The following DYM variants were observed in gnomAD, a reference collection of about 807,000 sequenced individuals.
DYM encodes dyggve-Melchior-Clausen syndrome protein.
In DYM, 78 loss-of-function variants were observed where a neutral mutation model predicts 93.1. The observed-to-expected ratio is 0.84, with a 90% CI of 0.70 to 1.01. DYM has a LOEUF of 1.01. Ranked by LOEUF, DYM falls within the 50% of genes least tolerant of loss-of-function variation. The pLI, the probability that DYM is intolerant of heterozygous loss-of-function variation, is 0.00. For missense variants in DYM, 789 were observed against 845.0 expected (o/e 0.93, Z 0.82); for synonymous variants, 321 against 319.7 (o/e 1.00, Z -0.04).
intron 15 of DYM, among the ~76,000 whole-genome samples, chr18:49,147,263 T>C (rs2085266762): frequency 6.6e-6 from 1 of 151,912 alleles, no homozygotes; most frequent in Non-Finnish European, 1.5e-5. Context: ...ACCTAGGCAA[T>C]ACCATTCAGG....
intron 15 of DYM, among the ~76,000 whole-genome samples, chr18:49,127,232 T>C (rs1322822151): frequency 6.6e-6 from 1 of 152,190 alleles, no homozygotes; most frequent in Non-Finnish European, 1.5e-5. Flanking sequence ...ATTTCAAACG[T>C]AAAAACAAGA....
chr18:49,179,670 A>G (rs987795134), intron 14 of DYM, among the ~76,000 whole-genome samples: 1 of 152,140 alleles, frequency 6.6e-6, no homozygotes, highest in Non-Finnish European at 1.5e-5. Context: ...TGTCAACATA[A>G]GGTAGATATT....
At chr18:49,079,732 G>C (rs1269182982) in intron 17 of DYM, among the ~76,000 whole-genome samples, 1 of 151,696 alleles carries the variant, frequency 6.6e-6, no homozygotes, top group Non-Finnish European at 1.5e-5. Context: ...TAAGGTCACC[G>C]ATCAACAGGA....
In DYM at chr18:49,454,213, C is replaced by T. The variant is rs118052373; in HGVS notation, c.-54+6185G>A. On this transcript the variant is annotated intron_variant, in intron 1 of 17. Coordinates refer to ENST00000675505, the MANE Select transcript of DYM (RefSeq NM_001353214.3). ...CCTAACAGCAGTTAGGGTTGCCACT[C>T]CAGAGCAGGGAATGATGATATAGGA... Among the ~76,000 whole-genome samples the T allele has an allele frequency of 1.9e-3, 291 of 152,246 alleles. 5 individuals carry two copies. In the East Asian group the frequency reaches 0.048, roughly 25 times the overall value.
At chr18:49,398,216 G>A (rs1160737455) in intron 2 of DYM, among the ~76,000 whole-genome samples, 1 of 152,126 alleles carries the variant, frequency 6.6e-6, no homozygotes, top group Admixed American at 6.6e-5. Flanking sequence ...AGTTTATGGA[G>A]ACTCACCATA....
Position 49,379,707 on chromosome 18 carries a change from A to C in DYM, c.245T>G (p.Leu82Arg). Reference protein sequence around the residue: ...GNLGALIKVFLSRTKELKLSA... With the variant: ...GNLGALIKVFRSRTKELKLSA... ...AAGTTTTAGTTCTTTGGTTCTAGAA[A>C]GGAAGACCTTAATTAGTGCACCAAG... is the stretch of plus-strand genomic sequence containing the variant. Residue 82 changes from leucine to arginine, a missense_variant, in exon 4 of 18, where the codon CTT becomes CGT. Physicochemically the swap from Leu to Arg is moderately radical, Grantham distance 102. Coordinates refer to ENST00000675505, the MANE Select transcript of DYM (RefSeq NM_001353214.3). 6.2e-7 allele frequency: 1 copy of C among 1,613,458 alleles called. No homozygotes were observed. Among genetic ancestry groups the C allele is most frequent in the Non-Finnish European group, 8.5e-7 (1 of 1,179,572 alleles).
intron 1 of DYM, among the ~76,000 whole-genome samples, chr18:49,449,319 G>T (rs1399720462): frequency 6.6e-6 from 1 of 152,200 alleles, no homozygotes; most frequent in Non-Finnish European, 1.5e-5. Context: ...GAAATTGAAA[G>T]ATAAGCAACG....
intron 16 of DYM, among the ~76,000 whole-genome samples, chr18:49,103,025 CCCA>C (rs1372597583): frequency 6.6e-6 from 1 of 152,184 alleles, no homozygotes; most frequent in Non-Finnish European, 1.5e-5. Context: ...AGTTTACAGT[CCCA>C]CCAACAGTGT....
At chr18:49,370,785 A>C (rs2066966077) in intron 5 of DYM, among the ~76,000 whole-genome samples, 1 of 152,220 alleles carries the variant, frequency 6.6e-6, no homozygotes, top group Non-Finnish European at 1.5e-5. Flanking sequence ...AAGAAAAAGA[A>C]ACTATCATTG....
At position 49,109,283 on chromosome 18, in the gene DYM, G is replaced by T. The variant is rs550091485; in HGVS notation, c.1911+9461C>A. 3.3e-5 allele frequency among the ~76,000 whole-genome samples: 5 copies of T among 152,138 alleles called. No individual in the cohort carries two copies. In the South Asian group the frequency reaches 1.0e-3, roughly 32 times the overall value. On this transcript the variant is annotated intron_variant, in intron 16 of 17. Coordinates refer to ENST00000675505, the MANE Select transcript of DYM (RefSeq NM_001353214.3). ...GTTGTTCCACTATTTTGTTGTTGTT[G>T]TTCCACTATTATTTATTCTGCTTTT...
At chr18:49,080,536 G>T (rs1484938158) in intron 17 of DYM, among the ~76,000 whole-genome samples, 1 of 137,434 alleles carries the variant, frequency 7.3e-6, no homozygotes, top group East Asian at 2.3e-4. Context: ...CAGTAGGGGC[G>T]GCCGGGCAGA....
At chr18:49,106,782 G>C (rs1219221258) in intron 16 of DYM, among the ~76,000 whole-genome samples, 1 of 152,236 alleles carries the variant, frequency 6.6e-6, no homozygotes, top group Admixed American at 6.5e-5. Flanking sequence ...TCAGCTGTTA[G>C]TCTGATGGGC....
intron 8 of DYM, among the ~76,000 whole-genome samples, chr18:49,325,184 TG>T (rs1271506232): frequency 6.6e-6 from 1 of 152,206 alleles, no homozygotes; most frequent in African/African-American, 2.4e-5. Flanking sequence ...AAGATTCCTG[TG>T]GGTAAGTCCT....
At chr18:49,424,515 C>T (rs1308180748) in intron 2 of DYM, among the ~76,000 whole-genome samples, 1 of 151,962 alleles carries the variant, frequency 6.6e-6, no homozygotes, top group Non-Finnish European at 1.5e-5. Context: ...CTCACCACTC[C>T]TGTTCAACAT....
At chr18:49,329,903 G>T (rs1453781987) in intron 8 of DYM, among the ~76,000 whole-genome samples, 2 of 152,142 alleles carry the variant, frequency 1.3e-5, no homozygotes, top group South Asian at 2.1e-4. Context: ...CAAGCCAATA[G>T]TAAAGTAAGA....
In DYM at chr18:49,207,044, A is replaced by G. The variant is rs575935568; in HGVS notation, c.1625+2507T>C. ...TCTCCATCTTTCTCCTCATTTTTAA[A>G]CTTTTGTTTTTCCCTACTTTGTCTT... On this transcript the variant is annotated intron_variant, in intron 14 of 17. Coordinates refer to ENST00000675505, the MANE Select transcript of DYM (RefSeq NM_001353214.3). 9.3e-4 allele frequency among the ~76,000 whole-genome samples: 142 copies of G among 152,034 alleles called. No individual in the cohort carries two copies. In the South Asian group the frequency reaches 0.017, roughly 18 times the overall value.
chr18:49,345,652 G>C (rs1256769129), intron 6 of DYM, among the ~76,000 whole-genome samples: 1 of 152,070 alleles, frequency 6.6e-6, no homozygotes, highest in African/African-American at 2.4e-5. Context: ...AGTAGTAAGA[G>C]ATGAGGTTTG....
intron 15 of DYM, among the ~76,000 whole-genome samples, chr18:49,145,411 C>G (rs1269886384): frequency 6.6e-6 from 1 of 151,942 alleles, no homozygotes; most frequent in African/African-American, 2.4e-5. Context: ...TTAGACACTG[C>G]TCCTTTAAAC....
intron 2 of DYM, among the ~76,000 whole-genome samples, chr18:49,424,261 G>A (rs994781920): frequency 1.7e-4 from 26 of 151,976 alleles, no homozygotes; most frequent in Admixed American, 1.4e-3. Context: ...ATCAATAACC[G>A]TAATCCATCA....
Sources: gnomAD v4.1 joint callset for allele counts (sites outside exome capture counted in the v4.1 genomes callset) on GRCh38, gnomAD v4.1.1 for gene constraint, MANE v1.5 for transcripts, NCBI Gene and HGNC (gene_info 2026-07-23, HGNC 2026-07-21) for gene names.